BCAR3: variants seen among roughly 807,000 people sequenced by gnomAD.
The protein encoded by BCAR3 is BCAR3 adaptor protein, NSP family member.
In BCAR3, 37 loss-of-function variants were observed where a neutral mutation model predicts 80.1. The ratio of observed to expected loss-of-function variants is 0.46; its 90% CI spans 0.36 to 0.61. BCAR3 has a LOEUF of 0.61. BCAR3 is among the 20% of genes least tolerant of loss of function. The pLI is 0.00. For missense variants in BCAR3, 978 were observed against 1,068.2 expected, an observed-to-expected ratio of 0.92 and a Z score of 1.18; for synonymous variants, 389 against 418.9, an observed-to-expected ratio of 0.93 and a Z score of 0.87.
intron 2 of BCAR3, among the ~76,000 whole-genome samples, chr1:93,806,234 G>T (rs906891115): frequency 2.0e-5 from 3 of 152,128 alleles, no homozygotes; most frequent in African/African-American, 7.2e-5. Context: ...ATGAGAAAAA[G>T]GCATTTGATA....
At chr1:93,684,390 C>T (rs1041091370), upstream of BCAR3, among the ~76,000 whole-genome samples, 4 of 152,186 alleles carry the variant, frequency 2.6e-5, no homozygotes, top group African/African-American at 9.7e-5. Context: ...AGCCATTCTT[C>T]CCCTCAGTCC....
Position 93,562,326 on chromosome 1 carries a change from G to C in BCAR3, c.2393C>G (p.Thr798Arg). 15 of 1,614,138 alleles carry C rather than the reference G, an allele frequency of 9.3e-6. No homozygotes were observed. Among genetic ancestry groups the C allele is most frequent in the Non-Finnish European group, 1.3e-5 (15 of 1,180,012 alleles). ...CTGGTTGAATTTCTCATATCTCTCT[G>C]TCTGATTGACTTGTGCACCTTTGCT... ...WGSKGAQVNQ[T>R]ERYEKFNQIL... Residue 798 changes from threonine (T) to arginine (R), a missense_variant, in exon 12 of 12, where the codon ACA becomes AGA. By Grantham distance (71) the Thr-to-Arg change is moderately conservative. Coordinates refer to ENST00000260502, the MANE Select transcript of BCAR3 (RefSeq NM_003567.4).
At chr1:93,771,500 T>C (rs1419067783) in intron 2 of BCAR3, among the ~76,000 whole-genome samples, 1 of 152,192 alleles carries the variant, frequency 6.6e-6, no homozygotes, top group African/African-American at 2.4e-5. Context: ...TTATATAACG[T>C]CTCTATGTCT....
At chr1:93,634,886 T>C (rs1675731310) in intron 3 of BCAR3, among the ~76,000 whole-genome samples, 1 of 152,208 alleles carries the variant, frequency 6.6e-6, no homozygotes, top group Non-Finnish European at 1.5e-5. Context: ...GGGTATGTCT[T>C]TATCAGCAGC....
chr1:93,744,933 T>C (rs1408723201), intron 2 of BCAR3, among the ~76,000 whole-genome samples: 3 of 152,222 alleles, frequency 2.0e-5, no homozygotes, highest in Non-Finnish European at 4.4e-5. Context: ...TCTCTAATTT[T>C]ACTTTGAGCT....
chr1:93,662,587 A>T (rs986937244), intron 2 of BCAR3, among the ~76,000 whole-genome samples: 2 of 152,150 alleles, frequency 1.3e-5, no homozygotes, highest in African/African-American at 4.8e-5. Flanking sequence ...TGATGAAAAC[A>T]GGGGACACAG....
intron 3 of BCAR3, among the ~76,000 whole-genome samples, chr1:93,606,658 G>A (rs1674779359): frequency 1.3e-5 from 2 of 152,162 alleles, no homozygotes; most frequent in South Asian, 2.1e-4. Context: ...GTTGACTGGA[G>A]AGCCTATCTG....
At position 93,585,268 on chromosome 1, in the gene BCAR3, G is replaced by A. The variant is rs568934982; in HGVS notation, c.930-1147C>T. ...GGCACCTGGCCAGAGCTGCATAAGG[G>A]AGCCACTGAAGGACACTGGGGCAGG... On this transcript the variant is annotated intron_variant, in intron 5 of 11. Coordinates refer to ENST00000260502, the MANE Select transcript of BCAR3 (RefSeq NM_003567.4). The A allele has an allele frequency of 7.4e-6, 7 of 941,936 alleles. No homozygotes were observed. The South Asian group carries it at 3.4e-4, about 46-fold the overall frequency. 58.3% of individuals were successfully genotyped at this position (941,936 alleles called of 1,614,324 possible).
chr1:93,633,637 C>T (rs2101900742), intron 3 of BCAR3, among the ~76,000 whole-genome samples: 1 of 152,186 alleles, frequency 6.6e-6, no homozygotes, highest in African/African-American at 2.4e-5. Context: ...CTTTAACTTG[C>T]CTTTTTTTGT....
intron 2 of BCAR3, among the ~76,000 whole-genome samples, chr1:93,717,491 G>C (rs1465353925): frequency 6.6e-6 from 1 of 152,120 alleles, no homozygotes; most frequent in Non-Finnish European, 1.5e-5. Context: ...TTGGGAGGTC[G>C]AGGTAGGCGG....
chr1:93,613,386 G>A (rs946222987), intron 3 of BCAR3, among the ~76,000 whole-genome samples: 7 of 152,176 alleles, frequency 4.6e-5, no homozygotes, highest in African/African-American at 1.7e-4. Context: ...ACCCTGAGAT[G>A]TTTTGAAACC....
chr1:93,649,740 A>G (rs1263070995), intron 2 of BCAR3, among the ~76,000 whole-genome samples: 1 of 151,964 alleles, frequency 6.6e-6, no homozygotes, highest in Non-Finnish European at 1.5e-5. Flanking sequence ...GATCTAACGA[A>G]TGCTATAATT....
chr1:93,725,623 T>C (rs1419465439), intron 2 of BCAR3, among the ~76,000 whole-genome samples: 4 of 152,236 alleles, frequency 2.6e-5, no homozygotes, highest in Non-Finnish European at 5.9e-5. Flanking sequence ...TTAATGTAGC[T>C]TAACTTATTA....
chr1:93,668,971 C>G (rs1468717759), intron 2 of BCAR3, among the ~76,000 whole-genome samples: 1 of 152,164 alleles, frequency 6.6e-6, no homozygotes, highest in East Asian at 1.9e-4. Flanking sequence ...CTCAGCCTCC[C>G]AAAGTGCTGG....
chr1:93,836,828 G>A (rs555914635), intron 2 of BCAR3, among the ~76,000 whole-genome samples: 19 of 151,952 alleles, frequency 1.3e-4, no homozygotes, highest in South Asian at 1.2e-3. Flanking sequence ...TTAACTGAGC[G>A]ATTAACCTTG....
intron 1 of BCAR3, among the ~76,000 whole-genome samples, chr1:93,846,663 C>G (rs550423950): frequency 6.6e-6 from 1 of 152,074 alleles, no homozygotes; most frequent in Admixed American, 6.5e-5. Flanking sequence ...CCTCCGACCA[C>G]ATGCACCCGC....
At chr1:93,632,846 C>T (rs959810691) in intron 3 of BCAR3, among the ~76,000 whole-genome samples, 3 of 152,174 alleles carry the variant, frequency 2.0e-5, no homozygotes, top group Non-Finnish European at 4.4e-5. Flanking sequence ...GATGAAACCC[C>T]GTCTCTAATA....
intron 3 of BCAR3, among the ~76,000 whole-genome samples, chr1:93,637,444 C>T (rs890793773): frequency 3.8e-4 from 58 of 152,170 alleles, no homozygotes; most frequent in South Asian, 6.2e-4. Flanking sequence ...CATGAGCCAT[C>T]GCACCCAGAG....
At position 93,592,823 on chromosome 1, in the gene BCAR3, C is replaced by A. The variant is rs1255128311; in HGVS notation, c.358-430G>T. Among the ~76,000 whole-genome samples the A allele has an allele frequency of 6.6e-6, 1 of 152,192 alleles. No homozygotes were observed. The highest frequency in any genetic ancestry group is 1.5e-5 in the Non-Finnish European group (1 of 68,032). On this transcript the variant is annotated intron_variant, in intron 3 of 11. Transcript: ENST00000260502. This position sits in a 1 kb window ranked among gnomAD's most constrained non-coding sequence, Gnocchi z 4.8. ...TCCTGGGCCTCTGGGCAGTGAGGCC[C>A]AAAGCACAGTCCTTGGGCTGGTAGC...
Sources: gnomAD v4.1 joint callset for allele counts (sites outside exome capture counted in the v4.1 genomes callset) on GRCh38, gnomAD v4.1.1 for gene constraint, Gnocchi (gnomAD v3.1) non-coding constraint, MANE v1.5 for transcripts, NCBI Gene and HGNC (gene_info 2026-07-23, HGNC 2026-07-21) for gene names.